Variants in PRKG1 observed in about 807,000 individuals in gnomAD.
PRKG1 encodes cGMP-dependent protein kinase 1.
PRKG1 carries 35 observed loss-of-function variants against 88.1 expected under a neutral mutation model. The ratio of observed to expected loss-of-function variants is 0.40; its 90% confidence interval spans 0.30 to 0.53. PRKG1 has a LOEUF of 0.53. Ranked by LOEUF, PRKG1 falls within the 20% of genes least tolerant of loss-of-function variation. The pLI, the probability that PRKG1 is intolerant of heterozygous loss-of-function variation, is 0.59. For synonymous variants in PRKG1, 303 were observed against 292.5 expected, an observed-to-expected ratio of 1.04 and a Z score of -0.37; for missense variants, 540 against 839.8, an observed-to-expected ratio of 0.64 and a Z score of 4.41.
chr10:51,092,257 C>T (rs781550705), intron 1 of PRKG1, among the ~76,000 whole-genome samples: 23 of 152,214 alleles, frequency 1.5e-4, no homozygotes, highest in African/African-American at 4.1e-4. Flanking sequence ...AATAACTTTA[C>T]GGGCTTAGAG....
At chr10:51,794,246 A>G (rs1423378530) in intron 3 of PRKG1, among the ~76,000 whole-genome samples, 1 of 152,156 alleles carries the variant, frequency 6.6e-6, no homozygotes, top group Non-Finnish European at 1.5e-5. Context: ...CTGCAATAGG[A>G]TAATAGTAGA....
At position 52,274,496 on chromosome 10, in the gene PRKG1, C is replaced by CAT. The variant is rs374054777; in HGVS notation, c.1403+2027_1403+2028dup. On this transcript the variant is annotated intron_variant, in intron 12 of 17. Coordinates refer to ENST00000373980, the MANE Select transcript of PRKG1 (RefSeq NM_006258.4). ...TGTGTAGTATTCCATCATATATATA[C>CAT]ATATATATATATACATGCCATCATA... Among the ~76,000 whole-genome samples the CAT allele has an allele frequency of 3.1e-3, 456 of 147,684 alleles. 4 individuals are homozygous for CAT. In the South Asian group the frequency reaches 0.032, roughly 10 times the overall value.
intron 5 of PRKG1, among the ~76,000 whole-genome samples, chr10:51,937,999 C>T (rs951609706): frequency 2.6e-5 from 4 of 152,008 alleles, no homozygotes; most frequent in African/African-American, 7.2e-5. Flanking sequence ...CGACATCGTC[C>T]GCTCCTGACT....
At chr10:51,746,896 G>A (rs1160306059) in intron 3 of PRKG1, among the ~76,000 whole-genome samples, 1 of 152,114 alleles carries the variant, frequency 6.6e-6, no homozygotes. Flanking sequence ...TATTTTCCAA[G>A]TATGCCAACG....
At position 51,076,764 on chromosome 10, in the gene PRKG1, G is replaced by C. The variant is rs1843963505; in HGVS notation, c.311+1863G>C. On this transcript the variant is annotated intron_variant, in intron 1 of 17. Transcript: ENST00000373980. ...CAAACAAACGAAAAAGGTCCAGAGT[G>C]GAAAATAAAGCTGGTGTGGCAAATA... is the stretch of plus-strand genomic sequence containing the variant. Among the ~76,000 whole-genome samples the C allele has an allele frequency of 2.0e-5, 3 of 152,198 alleles. No homozygotes were observed. The South Asian group carries it at 6.2e-4, about 32-fold the overall frequency.
chr10:52,017,716 G>T (rs180722197), intron 5 of PRKG1, among the ~76,000 whole-genome samples: 92 of 152,336 alleles, frequency 6.0e-4, no homozygotes, highest in Middle Eastern at 3.4e-3. Flanking sequence ...GGTCTGGGCT[G>T]CAGAGGAGTG....
chr10:51,356,901 C>A (rs1383465229), intron 2 of PRKG1, among the ~76,000 whole-genome samples: 1 of 151,954 alleles, frequency 6.6e-6, no homozygotes, highest in African/African-American at 2.4e-5. Context: ...CACATCTATC[C>A]TCTCTATTAG....
intron 4 of PRKG1, among the ~76,000 whole-genome samples, chr10:51,897,279 A>T (rs1197769538): frequency 6.6e-6 from 1 of 152,184 alleles, no homozygotes; most frequent in East Asian, 1.9e-4. Flanking sequence ...TTTATTCTGT[A>T]AGGAAGTCAC....
chr10:51,807,308 C>G (rs563747035), intron 4 of PRKG1, among the ~76,000 whole-genome samples: 9 of 152,178 alleles, frequency 5.9e-5, no homozygotes, highest in African/African-American at 2.2e-4. Flanking sequence ...AATGTAGGAA[C>G]CTTGTAAGTG....
intron 7 of PRKG1, among the ~76,000 whole-genome samples, chr10:52,122,095 A>C (rs1262651948): frequency 6.6e-6 from 1 of 152,242 alleles, no homozygotes; most frequent in African/African-American, 2.4e-5. Context: ...TGGGATGTCC[A>C]AGGTTGAGGG....
rs189370458 is a variant in PRKG1 at position 52,132,331 on chromosome 10, A to G, written c.936-1509A>G. ...GAAATAATAAATGCTTAAGAATATC[A>G]TCAAGGAATTTCTCAAAAATAATAA... On this transcript the variant is annotated intron_variant, in intron 7 of 17. Coordinates refer to ENST00000373980, the MANE Select transcript of PRKG1 (RefSeq NM_006258.4). 6.7e-3 allele frequency among the ~76,000 whole-genome samples: 944 copies of G among 141,420 alleles called. 6 individuals are homozygous for G. The highest frequency in any genetic ancestry group is 0.024 in the African/African-American group (869 of 36,866). 92.8% of individuals were successfully genotyped at this position (141,420 alleles called of 152,430 possible). A position where few individuals can be genotyped will look rare whatever the true frequency, so the allele number is the denominator to read the frequency against.
At chr10:51,690,850 C>T (rs748682696) in intron 3 of PRKG1, among the ~76,000 whole-genome samples, 4 of 144,916 alleles carry the variant, frequency 2.8e-5, no homozygotes, top group Non-Finnish European at 6.0e-5. Flanking sequence ...CGCTTGAACC[C>T]GGGAGGCAGA....
chr10:51,026,269 T>C (rs1410293304), intron 1 of PRKG1, among the ~76,000 whole-genome samples: 2 of 152,142 alleles, frequency 1.3e-5, no homozygotes, highest in African/African-American at 4.8e-5. Context: ...CACTTTGTTA[T>C]AACAGCCCTA....
intron 3 of PRKG1, among the ~76,000 whole-genome samples, chr10:51,723,633 G>C (rs1176957519): frequency 1.5e-5 from 2 of 131,202 alleles, no homozygotes; most frequent in South Asian, 4.8e-4. Context: ...AAAAGAAAAA[G>C]TTATCTGATG....
chr10:51,162,618 T>C (rs1344810562), intron 2 of PRKG1, among the ~76,000 whole-genome samples: 1 of 152,230 alleles, frequency 6.6e-6, no homozygotes. Context: ...ATTTGTCTAA[T>C]TCATCCAACT....
intron 8 of PRKG1, among the ~76,000 whole-genome samples, chr10:52,136,210 T>C (rs1486466029): frequency 6.6e-6 from 1 of 151,930 alleles, no homozygotes; most frequent in African/African-American, 2.4e-5. Flanking sequence ...ATCCAGGAAG[T>C]TGGAGCAAAT....
intron 2 of PRKG1, among the ~76,000 whole-genome samples, chr10:51,396,626 T>C (rs546041028): frequency 1.3e-5 from 2 of 152,344 alleles, no homozygotes; most frequent in African/African-American, 4.8e-5. Context: ...TTGACCACAG[T>C]CTGGCTTTTC....
intron 2 of PRKG1, among the ~76,000 whole-genome samples, chr10:51,200,287 C>G (rs1360293026): frequency 6.6e-6 from 1 of 152,176 alleles, no homozygotes; most frequent in African/African-American, 2.4e-5. Flanking sequence ...ATGACAGCAG[C>G]AAAACTAGTG....
chr10:51,473,204 A>G (rs935629556), intron 3 of PRKG1, among the ~76,000 whole-genome samples: 1 of 151,912 alleles, frequency 6.6e-6, no homozygotes, highest in African/African-American at 2.4e-5. Flanking sequence ...CTGAGAAATA[A>G]ATTAATTTCT....
Sources: gnomAD v4.1 joint callset for allele counts (sites outside exome capture counted in the v4.1 genomes callset) on GRCh38, gnomAD v4.1.1 for gene constraint, MANE v1.5 for transcripts, NCBI Gene and HGNC (gene_info 2026-07-23, HGNC 2026-07-21) for gene names.